The following NIBAN2 variants were observed in gnomAD, a reference collection of about 807,000 sequenced individuals.
NIBAN2 encodes protein Niban 2.
In NIBAN2, 36 loss-of-function variants were observed where a neutral mutation model predicts 81.8. The observed-to-expected ratio is 0.44, with a 90% CI of 0.34 to 0.58. NIBAN2 has a LOEUF of 0.58. NIBAN2 is among the 20% of genes least tolerant of loss of function. The pLI is 0.02. For missense variants in NIBAN2, 897 were observed against 1,014.1 expected, an observed-to-expected ratio of 0.88 and a Z score of 1.57; for synonymous variants, 445 against 441.6, an observed-to-expected ratio of 1.01 and a Z score of -0.10.
At chr9:127,562,071 CG>C (rs1837783731) in intron 1 of NIBAN2, among the ~76,000 whole-genome samples, 1 of 152,084 alleles carries the variant, frequency 6.6e-6, no homozygotes, top group African/African-American at 2.4e-5. Flanking sequence ...GGCGCAGGGA[CG>C]GAGAATGGGG....
upstream of NIBAN2, chr9:127,569,140 C>G: frequency 2.2e-6 from 2 of 919,796 alleles, no homozygotes; most frequent in Non-Finnish European, 2.6e-6. Context: ...CACGCCCCCG[C>G]AGGCCAACCC....
chr9:127,532,501 C>G (rs1837202682), intron 1 of NIBAN2, among the ~76,000 whole-genome samples: 1 of 152,064 alleles, frequency 6.6e-6, no homozygotes. Context: ...GAGACTGAGG[C>G]AGGAGAATCA....
intron 1 of NIBAN2, among the ~76,000 whole-genome samples, chr9:127,532,604 A>G (rs896076614): frequency 7.2e-5 from 11 of 151,790 alleles, no homozygotes; most frequent in Non-Finnish European, 1.6e-4. Flanking sequence ...GAGACTCCAT[A>G]TAATAAAAAA....
chr9:127,530,270 G>A (rs1428575569), intron 2 of NIBAN2, among the ~76,000 whole-genome samples: 8 of 152,228 alleles, frequency 5.3e-5, no homozygotes, highest in Non-Finnish European at 8.8e-5. Context: ...AAAAAGCAAA[G>A]GTGATGCTCT....
chr9:127,547,164 T>C (rs910499740), intron 1 of NIBAN2, among the ~76,000 whole-genome samples: 1 of 152,188 alleles, frequency 6.6e-6, no homozygotes, highest in African/African-American at 2.4e-5. Context: ...CACCCTTTGC[T>C]GGCTATAGGA....
upstream of NIBAN2, among the ~76,000 whole-genome samples, chr9:127,571,482 G>C (rs1837945330): frequency 6.6e-6 from 1 of 152,196 alleles, no homozygotes. Context: ...CAGATCACGA[G>C]ATCAGGAGTC....
intron 1 of NIBAN2, among the ~76,000 whole-genome samples, chr9:127,576,178 G>A (rs541983144): frequency 1.2e-4 from 19 of 152,260 alleles, no homozygotes; most frequent in African/African-American, 4.3e-4. Context: ...GGAGGGGAAC[G>A]TGACAGTGAG....
chr9:127,525,016 G>A (rs765155751), intron 4 of NIBAN2, 42 bp downstream of exon 4: 13 of 1,490,298 alleles, frequency 8.7e-6, no homozygotes, highest in Non-Finnish European at 1.0e-5. Context: ...AGCTCCAGAT[G>A]CCTGTGCAGG....
At chr9:127,557,536 G>GA (rs1397738889) in intron 1 of NIBAN2, among the ~76,000 whole-genome samples, 4 of 152,200 alleles carry the variant, frequency 2.6e-5, no homozygotes, top group Non-Finnish European at 5.9e-5. Flanking sequence ...TCCACCCGGG[G>GA]GCCTCCAGGC....
At chr9:127,531,438 T>C (rs989074246) in intron 2 of NIBAN2, among the ~76,000 whole-genome samples, 3 of 152,052 alleles carry the variant, frequency 2.0e-5, no homozygotes, top group African/African-American at 7.2e-5. Context: ...GAGCTGAGAT[T>C]GTGCCACTGC....
At chr9:127,558,604 G>C (rs1436296271) in intron 1 of NIBAN2, among the ~76,000 whole-genome samples, 1 of 152,176 alleles carries the variant, frequency 6.6e-6, no homozygotes, top group East Asian at 1.9e-4. Flanking sequence ...GCTAGGGGAG[G>C]TGTGGTAGGG....
intron 1 of NIBAN2, among the ~76,000 whole-genome samples, chr9:127,551,715 TAA>T (rs796356260): frequency 6.8e-6 from 1 of 146,106 alleles, no homozygotes. Flanking sequence ...AACTCCATCT[TAA>T]AAAAAAAAGA....
In NIBAN2 at chr9:127,563,352, G is replaced by A. The variant is rs938909846; in HGVS notation, c.55+5468C>T. On this transcript the variant is annotated intron_variant, in intron 1 of 13. Coordinates refer to ENST00000373312, the MANE Select transcript of NIBAN2 (RefSeq NM_022833.4). The surrounding 1 kb of genome is among the most constrained non-coding windows in gnomAD (Gnocchi z 4.1). Reference sequence around the variant, plus strand: ...GCCCCCAGGGGCTGACCCGGACCTTGGCTAAGGGCAGCGGCCCAGGCCCAG... The same window carrying A: ...GCCCCCAGGGGCTGACCCGGACCTTAGCTAAGGGCAGCGGCCCAGGCCCAG... Among the ~76,000 whole-genome samples the A allele has an allele frequency of 6.6e-6, 1 of 152,260 alleles. No individual in the cohort carries two copies. Among genetic ancestry groups the A allele is most frequent in the Non-Finnish European group, 1.5e-5 (1 of 68,048 alleles).
intron 1 of NIBAN2, among the ~76,000 whole-genome samples, chr9:127,576,054 A>G (rs4532699): frequency 0.8 from 122,395 of 152,142 alleles, 49,807 homozygotes; most frequent in African/African-American, 0.92. Context: ...TGTTTAAATA[A>G]ATCTTTCTCT....
chr9:127,550,223 T>C (rs1161045641), intron 1 of NIBAN2, among the ~76,000 whole-genome samples: 1 of 152,156 alleles, frequency 6.6e-6, no homozygotes, highest in Non-Finnish European at 1.5e-5. Flanking sequence ...CTGGACACCA[T>C]GGTGCTGGAC....
At chr9:127,551,646 C>T (rs1255235749) in intron 1 of NIBAN2, among the ~76,000 whole-genome samples, 3 of 151,610 alleles carry the variant, frequency 2.0e-5, no homozygotes, top group African/African-American at 7.3e-5. Flanking sequence ...ACCCAGGAGG[C>T]GGAGGTTGCA....
Position 127,559,612 on chromosome 9 carries a change from T to C in NIBAN2, c.55+9208A>G, listed in dbSNP as rs1234205594. ...TTCGGCTGGACACAAATAGTTCTGC[T>C]CAGCATGGGGCATGGGAAAGATGGA... is the stretch of plus-strand genomic sequence containing the variant. On this transcript the variant is annotated intron_variant, in intron 1 of 13. Coordinates refer to ENST00000373312, the MANE Select transcript of NIBAN2 (RefSeq NM_022833.4). The surrounding 1 kb of genome is among the most constrained non-coding windows in gnomAD (Gnocchi z 4.0). Among the ~76,000 whole-genome samples the C allele has an allele frequency of 6.6e-6, 1 of 152,188 alleles. No individual in the cohort carries two copies. The highest frequency in any genetic ancestry group is 1.5e-5 in the Non-Finnish European group (1 of 68,016).
Position 127,559,784 on chromosome 9 carries a change from C to T in NIBAN2, c.55+9036G>A, listed in dbSNP as rs143408029. 3.1e-4 allele frequency among the ~76,000 whole-genome samples: 47 copies of T among 152,300 alleles called. 1 individual carries two copies. In the East Asian group the frequency reaches 8.9e-3, roughly 29 times the overall value. On this transcript the variant is annotated intron_variant, in intron 1 of 13. Coordinates refer to ENST00000373312, the MANE Select transcript of NIBAN2 (RefSeq NM_022833.4). This position sits in a 1 kb window ranked among gnomAD's most constrained non-coding sequence, Gnocchi z 4.0. Reference sequence around the variant, plus strand: ...CTGCACGTGGACCCTCTACCCAGCACCCTGACCCACACCCGGCACTTCTGA... The same window carrying T: ...CTGCACGTGGACCCTCTACCCAGCATCCTGACCCACACCCGGCACTTCTGA...
chr9:127,549,908 C>T (rs1837544801), intron 1 of NIBAN2, among the ~76,000 whole-genome samples: 1 of 152,106 alleles, frequency 6.6e-6, no homozygotes, highest in African/African-American at 2.4e-5. Flanking sequence ...GAGAACGGCT[C>T]CCCTCCCAGC....
Sources: gnomAD v4.1 joint callset for allele counts (sites outside exome capture counted in the v4.1 genomes callset) on GRCh38, gnomAD v4.1.1 for gene constraint, Gnocchi (gnomAD v3.1) non-coding constraint, MANE v1.5 for transcripts, NCBI Gene and HGNC (gene_info 2026-07-23, HGNC 2026-07-21) for gene names.